MAD1L1: variants seen among roughly 807,000 people sequenced by gnomAD.
MAD1L1 encodes mitotic arrest deficient 1 like 1.
MAD1L1 carries 95 observed loss-of-function variants against 96.9 expected under a neutral mutation model. That is an observed-to-expected ratio of 0.98 (90% confidence interval 0.83 to 1.16). The LOEUF is 1.16. Ranked by LOEUF, MAD1L1 falls within the 50% of genes most tolerant of loss-of-function variation. The probability of loss-of-function intolerance (pLI) is 0.00; values close to 1 mark genes in which losing one functional copy is unlikely to be tolerated. For synonymous variants in MAD1L1, 473 were observed against 396.6 expected, an observed-to-expected ratio of 1.19 and a Z score of -2.29; for missense variants, 1,007 against 954.4, an observed-to-expected ratio of 1.06 and a Z score of -0.73.
At chr7:2,220,218 G>A (rs1793522953) in intron 5 of MAD1L1, among the ~76,000 whole-genome samples, 2 of 152,172 alleles carry the variant, frequency 1.3e-5, no homozygotes, top group African/African-American at 2.4e-5. Flanking sequence ...ACGGGAGCAC[G>A]CGGCACGGGC....
intron 18 of MAD1L1, among the ~76,000 whole-genome samples, chr7:1,827,041 TGCAGCC>T (rs1201679499): frequency 6.6e-6 from 1 of 152,196 alleles, no homozygotes; most frequent in Non-Finnish European, 1.5e-5. Context: ...CAGCTGCTCC[TGCAGCC>T]GCAGCCGGAG....
chr7:1,834,069 T>C (rs891353669), intron 18 of MAD1L1, among the ~76,000 whole-genome samples: 5 of 152,180 alleles, frequency 3.3e-5, no homozygotes, highest in Admixed American at 2.6e-4. Flanking sequence ...CTAACACACT[T>C]CTAAATAACC....
intron 18 of MAD1L1, among the ~76,000 whole-genome samples, chr7:1,858,598 T>A (rs1024925387): frequency 6.6e-6 from 1 of 152,162 alleles, no homozygotes; most frequent in Non-Finnish European, 1.5e-5. Flanking sequence ...ACGCCCGCGG[T>A]GCCTCCTCCT....
intron 10 of MAD1L1, among the ~76,000 whole-genome samples, chr7:2,199,394 C>T (rs1792162639): frequency 6.6e-6 from 1 of 152,194 alleles, no homozygotes; most frequent in South Asian, 2.1e-4. Flanking sequence ...ACAGCCAAGA[C>T]TCCTAGGAGG....
At chr7:1,906,469 C>T (rs1374843076) in intron 17 of MAD1L1, among the ~76,000 whole-genome samples, 4 of 152,238 alleles carry the variant, frequency 2.6e-5, no homozygotes, top group Non-Finnish European at 4.4e-5. Context: ...GGCCCTGAGC[C>T]ACCCTCCCTT....
At chr7:2,018,121 C>T (rs1267401006) in intron 12 of MAD1L1, among the ~76,000 whole-genome samples, 1 of 152,204 alleles carries the variant, frequency 6.6e-6, no homozygotes, top group Non-Finnish European at 1.5e-5. Flanking sequence ...GCAGCGGTCA[C>T]TTGAGGTGTG....
intron 18 of MAD1L1, among the ~76,000 whole-genome samples, chr7:1,893,405 C>G (rs922549028): frequency 8.5e-5 from 13 of 152,350 alleles, no homozygotes; most frequent in Middle Eastern, 3.4e-3. Context: ...CTAACTCTGT[C>G]TGCAGCCCCC....
intron 12 of MAD1L1, among the ~76,000 whole-genome samples, chr7:2,037,544 T>C (rs1282962366): frequency 6.6e-6 from 1 of 152,230 alleles, no homozygotes; most frequent in Non-Finnish European, 1.5e-5. Context: ...TTGTGGTCTG[T>C]AATGGGTGGT....
At chr7:1,892,457 G>A (rs932217183) in intron 18 of MAD1L1, among the ~76,000 whole-genome samples, 6 of 152,142 alleles carry the variant, frequency 3.9e-5, no homozygotes, top group Middle Eastern at 3.2e-3. Flanking sequence ...CAGATTTTCA[G>A]GTTGTCAGAA....
chr7:1,926,696 C>G (rs555033883), intron 17 of MAD1L1, among the ~76,000 whole-genome samples: 1 of 152,332 alleles, frequency 6.6e-6, no homozygotes, highest in Non-Finnish European at 1.5e-5. Flanking sequence ...ACATGATAAA[C>G]ACTCTCAGCA....
rs537832174 is a variant in MAD1L1, at chr7:1,841,254, G to A, written c.1999-25026C>T. On this transcript the variant is annotated intron_variant, in intron 18 of 18. Transcript: ENST00000265854. Reference sequence around the variant, plus strand: ...TAAGTGACAAGACTTTGAGAATTTCGTCTCTCCAGTCACTCACATGGGGGG... The same window carrying A: ...TAAGTGACAAGACTTTGAGAATTTCATCTCTCCAGTCACTCACATGGGGGG... 1.3e-3 allele frequency among the ~76,000 whole-genome samples: 202 copies of A among 152,310 alleles called. 1 individual carries two copies. The highest frequency in any genetic ancestry group is 0.011 in the Admixed American group (168 of 15,296).
At chr7:1,907,698 G>A (rs975209931) in intron 17 of MAD1L1, among the ~76,000 whole-genome samples, 16 of 152,202 alleles carry the variant, frequency 1.1e-4, no homozygotes, top group African/African-American at 3.1e-4. Flanking sequence ...ACCTGCCCCC[G>A]GGTCAGTGAG....
At chr7:2,185,953 A>G (rs1007473938) in intron 10 of MAD1L1, among the ~76,000 whole-genome samples, 5 of 152,230 alleles carry the variant, frequency 3.3e-5, no homozygotes, top group Non-Finnish European at 5.9e-5. Context: ...GAAAGCTACC[A>G]GGGCAGACAG....
intron 18 of MAD1L1, among the ~76,000 whole-genome samples, chr7:1,860,374 G>A (rs1365568491): frequency 1.3e-5 from 1 of 75,550 alleles, no homozygotes; most frequent in African/African-American, 4.0e-5. Context: ...TGTGTCCCTA[G>A]ACTTGACATC....
chr7:1,908,519 C>A (rs1311275000), intron 17 of MAD1L1, among the ~76,000 whole-genome samples: 1 of 152,160 alleles, frequency 6.6e-6, no homozygotes, highest in Non-Finnish European at 1.5e-5. Flanking sequence ...GTAGCTGGGA[C>A]CACAGGGAGC....
intron 12 of MAD1L1, among the ~76,000 whole-genome samples, chr7:2,019,003 T>TA (rs1320528817): frequency 1.3e-5 from 2 of 152,110 alleles, no homozygotes; most frequent in East Asian, 3.9e-4. Context: ...TGTATGGTCA[T>TA]AAATAGCTGA....
At position 2,068,691 on chromosome 7, in the gene MAD1L1, G is replaced by A. The variant is rs567258839; in HGVS notation, c.1218+503C>T. On this transcript the variant is annotated intron_variant, in intron 12 of 18. Coordinates refer to ENST00000265854, the MANE Select transcript of MAD1L1 (RefSeq NM_001013836.2). ...CAAAAACCGTCTTTCATGCTCCAGC[G>A]ACCTCTGCTCACGGTGCCAGGCATC... 4.6e-5 allele frequency among the ~76,000 whole-genome samples: 7 copies of A among 152,246 alleles called. No individual in the cohort carries two copies. The South Asian group carries it at 1.2e-3, about 27-fold the overall frequency.
At chr7:1,973,609 G>C (rs1040924877) in intron 15 of MAD1L1, among the ~76,000 whole-genome samples, 1 of 152,126 alleles carries the variant, frequency 6.6e-6, no homozygotes, top group East Asian at 1.9e-4. Context: ...CCACAGACAG[G>C]GGGGTGCGAG....
At chr7:2,191,648 T>C (rs1791723860) in intron 10 of MAD1L1, among the ~76,000 whole-genome samples, 2 of 151,974 alleles carry the variant, frequency 1.3e-5, no homozygotes, top group African/African-American at 4.8e-5. Context: ...GGAGAATGGC[T>C]TGAGCCCAGG....
Sources: allele counts gnomAD v4.1 joint callset (sites outside exome capture counted in the v4.1 genomes callset), GRCh38; gene constraint gnomAD v4.1.1; transcripts MANE v1.5; gene names NCBI Gene and HGNC (gene_info 2026-07-23, HGNC 2026-07-21).